Variants in USP20 observed in about 807,000 individuals in gnomAD.
USP20 encodes ubiquitin carboxyl-terminal hydrolase 20.
USP20 carries 80 observed loss-of-function variants against 124.2 expected under a neutral mutation model. That is an observed-to-expected ratio of 0.64 (90% CI 0.54 to 0.78). USP20 has a LOEUF of 0.78. Among genes scored for constraint, USP20 ranks in the 30% least tolerant of loss-of-function variants. The pLI is 0.00. For missense variants in USP20, 1,043 were observed against 1,244.4 expected, an observed-to-expected ratio of 0.84 and a Z score of 2.44; for synonymous variants, 481 against 512.3, an observed-to-expected ratio of 0.94 and a Z score of 0.83.
intron 3 of USP20, among the ~76,000 whole-genome samples, chr9:129,853,995 CAGAA>C (rs33947400): frequency 0.52 from 78,674 of 151,706 alleles, 20,694 homozygotes; most frequent in East Asian, 0.78. Context: ...CTAAAATACT[CAGAA>C]AGAGCAAGGA....
chr9:129,869,253 G>A (rs2033992558), intron 12 of USP20, 57 bp from the exon 13 acceptor site: 14 of 1,541,190 alleles, frequency 9.1e-6, no homozygotes, highest in East Asian at 2.3e-5. Flanking sequence ...CGCAGGGCCC[G>A]CACCTCGCCC....
chr9:129,875,679 C>G (rs1403835730), intron 21 of USP20, 38 bp downstream of exon 21: 2 of 1,596,948 alleles, frequency 1.3e-6, no homozygotes, highest in African/African-American at 1.3e-5. Flanking sequence ...CCGTCCTGTC[C>G]AGGGCCCAGC....
intron 23 of USP20, 28 bp downstream of exon 23, chr9:129,878,468 C>T (rs764722922): frequency 1.9e-6 from 3 of 1,561,742 alleles, no homozygotes; most frequent in Non-Finnish European, 2.6e-6. Flanking sequence ...CTGGCACTTA[C>T]CTGCCCTGGG....
At chr9:129,873,842 T>A (rs192291076) in intron 17 of USP20, 98 bp downstream of exon 17, 5 of 1,448,536 alleles carry the variant, frequency 3.5e-6, no homozygotes, top group Non-Finnish European at 4.8e-6. Context: ...GCTCGGGCAC[T>A]TCTGTGCTGC....
intron 22 of USP20, among the ~76,000 whole-genome samples, chr9:129,878,029 G>A (rs3780705): frequency 2.0e-5 from 3 of 152,212 alleles, no homozygotes; most frequent in South Asian, 2.1e-4. Flanking sequence ...CCGAGATCGC[G>A]CCACTGCACT....
chr9:129,874,799 C>A, intron 18 of USP20, 30 bp from the exon 19 acceptor site: 2 of 1,613,960 alleles, frequency 1.2e-6, no homozygotes, highest in Non-Finnish European at 1.7e-6. Flanking sequence ...CCGCTAGGAT[C>A]CCTGTGACCC....
In USP20 at chr9:129,868,044, C is replaced by T; in HGVS notation, c.730C>T (p.His244Tyr). The change falls in exon 11 of 26, where the codon CAC (histidine) becomes TAC (tyrosine). Residue 244 changes from histidine (H) to tyrosine (Y), a missense_variant. Physicochemically the swap from His to Tyr is moderately conservative, Grantham distance 83. Transcript: ENST00000372429. ...EFLRCLMDQL[H>Y]EELKEPVVAT... ...CCTTCGCTGCCTGATGGACCAGCTGCACGAGGAGCTCAAGGAGCCGGTGGT... is the reference window on the plus strand; with the variant it reads ...CCTTCGCTGCCTGATGGACCAGCTGTACGAGGAGCTCAAGGAGCCGGTGGT... The T allele has an allele frequency of 2.5e-6, 4 of 1,614,108 alleles. No homozygotes were observed. Among genetic ancestry groups the T allele is most frequent in the Non-Finnish European group, 3.4e-6 (4 of 1,179,988 alleles).
At chr9:129,867,898 A>G in intron 10 of USP20, 107 bp from the exon 11 acceptor site, 2 of 1,397,412 alleles carry the variant, frequency 1.4e-6, no homozygotes, top group South Asian at 1.4e-5. Context: ...GGGGGCGCCC[A>G]TGAGGTCCTC....
Position 129,875,400 on chromosome 9 carries a change from C to CA in USP20, c.2139_2140insA (p.Arg714ThrfsTer131). The CA allele has an allele frequency of 6.2e-7, 1 of 1,613,636 alleles. No homozygotes were observed. Among genetic ancestry groups the CA allele is most frequent in the Non-Finnish European group, 8.5e-7 (1 of 1,179,986 alleles). On this transcript the variant is annotated frameshift_variant, in exon 20 of 26. Transcript: ENST00000372429. LOFTEE classifies it high-confidence loss of function. ...CCAGCCTGCTGCGGTTCTACGTGTC[C>CA]CGCGAGTGGCTCAACAAGTTCAACA...
chr9:129,859,150 C>T (rs1442055160), intron 6 of USP20, among the ~76,000 whole-genome samples: 1 of 151,580 alleles, frequency 6.6e-6, no homozygotes, highest in African/African-American at 2.4e-5. Context: ...GAGGGCCCGG[C>T]CCCAGGTGTG....
chr9:129,874,351 C>T (rs1683968685), intron 17 of USP20, among the ~76,000 whole-genome samples: 1 of 152,128 alleles, frequency 6.6e-6, no homozygotes, highest in Admixed American at 6.5e-5. Flanking sequence ...AACTGGTAAA[C>T]TTGATGGCTC....
In USP20 at chr9:129,866,284, G is replaced by T. The variant is rs2033817938; in HGVS notation, c.690+903G>T. On this transcript the variant is annotated intron_variant, in intron 10 of 25. Transcript: ENST00000372429. ...GAAGTCTGCTGGGCCTTTGGCTCCT[G>T]CTTGAGAAGCTCAGCACTGCCTGGA... 2.0e-5 allele frequency among the ~76,000 whole-genome samples: 3 copies of T among 152,338 alleles called. No homozygotes were observed. The South Asian group carries it at 6.2e-4, about 32-fold the overall frequency.
At chr9:129,848,240 GAGCTGA>G (rs2032700640) in intron 1 of USP20, among the ~76,000 whole-genome samples, 1 of 151,998 alleles carries the variant, frequency 6.6e-6, no homozygotes, top group African/African-American at 2.4e-5. Flanking sequence ...AGGTTGCGGT[GAGCTGA>G]GATCGCACCA....
chr9:129,872,251 C>T (rs2034164660), intron 15 of USP20, among the ~76,000 whole-genome samples: 1 of 151,068 alleles, frequency 6.6e-6, no homozygotes. Context: ...CTCCTGGGTG[C>T]AAGCAGTCCT....
At position 129,880,454 on chromosome 9, in the gene USP20, C is replaced by G. The variant is rs939980656; in HGVS notation, c.*17-13C>G. ...TGGCCCGGCCCCACTGCTGAGTGCC[C>G]GTGTCCCCACAGCCCCATGTGCCCC... is the stretch of plus-strand genomic sequence containing the variant. On this transcript the variant is annotated splice_polypyrimidine_tract_variant and intron_variant, in intron 25 of 25. Transcript: ENST00000372429. 1.2e-6 allele frequency: 1 copy of G among 808,980 alleles called. No homozygotes were observed. Among genetic ancestry groups the G allele is most frequent in the Admixed American group, 2.9e-5 (1 of 34,694 alleles). 50.1% of individuals were successfully genotyped at this position (808,980 alleles called of 1,614,324 possible). A position where few individuals can be genotyped will look rare whatever the true frequency, so the allele number is the denominator to read the frequency against.
In USP20 at chr9:129,839,448, C is replaced by A. The variant is rs980212341; in HGVS notation, c.-129+3949C>A. Among the ~76,000 whole-genome samples the A allele has an allele frequency of 6.6e-6, 1 of 151,994 alleles. No individual in the cohort carries two copies. Among genetic ancestry groups the A allele is most frequent in the Non-Finnish European group, 1.5e-5 (1 of 68,002 alleles). ...ATGGGGAGGCCTGAGGGCTCTGCTT[C>A]GAGAGTCAGAGGATGGTGGCCTCCG... On this transcript the variant is annotated intron_variant, in intron 1 of 25. Coordinates refer to ENST00000372429, the MANE Select transcript of USP20 (RefSeq NM_001110303.4). The surrounding 1 kb of genome is among the most constrained non-coding windows in gnomAD (Gnocchi z 4.5).
intron 7 of USP20, 59 bp downstream of exon 7, chr9:129,861,092 G>GTTTC: frequency 3.4e-6 from 5 of 1,484,796 alleles, no homozygotes; most frequent in Non-Finnish European, 4.7e-6. Flanking sequence ...TCATCTGGAG[G>GTTTC]CTGGAAACCG....
intron 5 of USP20, 30 bp from the exon 6 acceptor site, chr9:129,858,437 C>T (rs75346745): frequency 0.017 from 27,385 of 1,613,902 alleles, 302 homozygotes; most frequent in East Asian, 0.024. Flanking sequence ...CTAGAGTGCC[C>T]TGGACCTTGT....
At chr9:129,838,629 G>A (rs906629045) in intron 1 of USP20, among the ~76,000 whole-genome samples, 5 of 152,180 alleles carry the variant, frequency 3.3e-5, no homozygotes, top group Non-Finnish European at 7.3e-5. Flanking sequence ...CATGGGGGAA[G>A]GCAGCTGCAG....
Sources: gnomAD v4.1 joint callset for allele counts (sites outside exome capture counted in the v4.1 genomes callset) on GRCh38, gnomAD v4.1.1 for gene constraint, Gnocchi (gnomAD v3.1) non-coding constraint, MANE v1.5 for transcripts, NCBI Gene and HGNC (gene_info 2026-07-23, HGNC 2026-07-21) for gene names.